Variants in EXOC6B observed in about 807,000 individuals in gnomAD.
EXOC6B encodes exocyst complex component 6B.
A neutral mutation model predicts 113.5 loss-of-function variants in EXOC6B; 54 were observed. The ratio of observed to expected loss-of-function variants is 0.48; its 90% CI spans 0.38 to 0.60. The LOEUF (loss-of-function observed/expected upper bound fraction) is 0.60. EXOC6B is among the 20% of genes least tolerant of loss of function. EXOC6B has a pLI of 0.00. For synonymous variants in EXOC6B, 357 were observed against 339.0 expected (o/e 1.05, Z -0.58); for missense variants, 797 against 977.5 (o/e 0.82, Z 2.46).
intron 1 of EXOC6B, among the ~76,000 whole-genome samples, chr2:72,751,533 C>A (rs779365164): frequency 6.6e-6 from 1 of 151,864 alleles, no homozygotes. Context: ...TGCCCTTGAC[C>A]GAGAGGAAGG....
chr2:72,730,797 G>C (rs1359862192), intron 5 of EXOC6B, among the ~76,000 whole-genome samples: 1 of 151,754 alleles, frequency 6.6e-6, no homozygotes, highest in East Asian at 1.9e-4. Context: ...CTAACTGTAA[G>C]TATTATTTAT....
intron 18 of EXOC6B, among the ~76,000 whole-genome samples, chr2:72,394,091 T>C (rs1692568014): frequency 6.6e-6 from 1 of 152,170 alleles, no homozygotes; most frequent in African/African-American, 2.4e-5. Flanking sequence ...GCATTTTTAA[T>C]ACAGTACCTG....
intron 20 of EXOC6B, among the ~76,000 whole-genome samples, chr2:72,271,744 T>C (rs1215602705): frequency 2.0e-5 from 3 of 152,134 alleles, no homozygotes; most frequent in African/African-American, 7.2e-5. Context: ...ACATTATACA[T>C]ATTTCAAGAT....
intron 5 of EXOC6B, among the ~76,000 whole-genome samples, chr2:72,726,237 A>C (rs1680292887): frequency 6.6e-6 from 1 of 152,174 alleles, no homozygotes; most frequent in Non-Finnish European, 1.5e-5. Flanking sequence ...GGAAAGAGGA[A>C]TGGGTACCCT....
chr2:72,179,467 C>T lies in EXOC6B; in HGVS notation c.2310-6G>A. On this transcript the variant is annotated splice_region_variant and splice_polypyrimidine_tract_variant and intron_variant, in intron 21 of 21. Coordinates refer to ENST00000272427, the MANE Select transcript of EXOC6B (RefSeq NM_015189.3). ...TGCGGCTAGTATCCTTCATCCTAAA[C>T]AGAGAAGGAAAGAAAGAGGGCAACA... The T allele has an allele frequency of 4.3e-6, 7 of 1,613,784 alleles. No individual in the cohort carries two copies. The highest frequency in any genetic ancestry group is 1.3e-5 in the African/African-American group (1 of 74,998).
intron 6 of EXOC6B, among the ~76,000 whole-genome samples, chr2:72,693,375 A>G (rs545682399): frequency 1.3e-5 from 2 of 152,010 alleles, no homozygotes; most frequent in African/African-American, 2.4e-5. Context: ...AAGGCTTGCA[A>G]TTTTTTAAAA....
At chr2:72,672,015 T>G (rs1675915610) in intron 6 of EXOC6B, among the ~76,000 whole-genome samples, 1 of 151,778 alleles carries the variant, frequency 6.6e-6, no homozygotes, top group Non-Finnish European at 1.5e-5. Flanking sequence ...CAATCAGAAT[T>G]ACTTTTATCA....
At chr2:72,414,586 GC>G (rs1694401365) in intron 18 of EXOC6B, among the ~76,000 whole-genome samples, 1 of 152,182 alleles carries the variant, frequency 6.6e-6, no homozygotes, top group Admixed American at 6.5e-5. Context: ...TAAGAGAACA[GC>G]CTTTTAAGAA....
chr2:72,177,840 T>C lies in EXOC6B; in HGVS notation c.*1495A>G, dbSNP rs1344327172. 2 of 152,196 alleles carry C rather than the reference T, an allele frequency of 1.3e-5. No individual in the cohort carries two copies. Among genetic ancestry groups the C allele is most frequent in the African/African-American group, 4.8e-5 (2 of 41,444 alleles). The allele number at this position is 152,196 out of a possible 1,614,324, so 9.4% of individuals were successfully genotyped here. On this transcript the variant is annotated 3_prime_UTR_variant, in exon 22 of 22. Transcript: ENST00000272427. ...AAGCTGGAAATGCCTGTGTGGCTTA[T>C]TTGTCATTGTTTGGTGATGCACAAT...
At chr2:72,824,177 A>G (rs1686763056) in intron 1 of EXOC6B, among the ~76,000 whole-genome samples, 1 of 151,986 alleles carries the variant, frequency 6.6e-6, no homozygotes, top group African/African-American at 2.4e-5. Flanking sequence ...TTTGACCCCA[A>G]AAGTTTGAGA....
intron 18 of EXOC6B, among the ~76,000 whole-genome samples, chr2:72,414,219 T>C (rs1283881546): frequency 6.6e-6 from 1 of 152,236 alleles, no homozygotes; most frequent in Non-Finnish European, 1.5e-5. Flanking sequence ...CTTGGTGTCC[T>C]TTCCCTGACA....
At chr2:72,217,622 A>C (rs1007946700) in intron 20 of EXOC6B, among the ~76,000 whole-genome samples, 12 of 152,190 alleles carry the variant, frequency 7.9e-5, no homozygotes, top group Admixed American at 7.9e-4. Context: ...TTCAAGGTAG[A>C]AGAGGATGAA....
chr2:72,746,637 T>C (rs1681715354), intron 1 of EXOC6B, among the ~76,000 whole-genome samples: 1 of 152,116 alleles, frequency 6.6e-6, no homozygotes, highest in Non-Finnish European at 1.5e-5. Flanking sequence ...TTAGAGCCTA[T>C]ATTAATTCAA....
chr2:72,728,703 T>C (rs774847527), intron 5 of EXOC6B, among the ~76,000 whole-genome samples: 6 of 152,114 alleles, frequency 3.9e-5, no homozygotes, highest in Non-Finnish European at 8.8e-5. Context: ...CCAAAAGTGA[T>C]ACATATCACT....
chr2:72,655,294 T>C (rs894134297), intron 6 of EXOC6B, among the ~76,000 whole-genome samples: 2 of 152,154 alleles, frequency 1.3e-5, no homozygotes, highest in African/African-American at 4.8e-5. Context: ...AACTGCATGC[T>C]AACTTATTCA....
intron 6 of EXOC6B, among the ~76,000 whole-genome samples, chr2:72,618,442 C>T (rs376793832): frequency 6.6e-6 from 1 of 152,132 alleles, no homozygotes; most frequent in East Asian, 1.9e-4. Context: ...CCACAAAGGA[C>T]AATGACATCT....
At chr2:72,187,901 C>T (rs764932972) in intron 20 of EXOC6B, among the ~76,000 whole-genome samples, 15 of 152,188 alleles carry the variant, frequency 9.9e-5, no homozygotes, top group East Asian at 1.9e-4. Context: ...AACTTTGCTC[C>T]GAGATTGGAG....
At chr2:72,734,982 A>T (rs2104789323) in intron 2 of EXOC6B, among the ~76,000 whole-genome samples, 1 of 152,332 alleles carries the variant, frequency 6.6e-6, no homozygotes, top group Non-Finnish European at 1.5e-5. Flanking sequence ...TGGCTCCGTA[A>T]AAATGGAGCT....
At chr2:72,796,548 T>C (rs1329868389) in intron 1 of EXOC6B, among the ~76,000 whole-genome samples, 7 of 151,894 alleles carry the variant, frequency 4.6e-5, no homozygotes, top group Admixed American at 4.6e-4. Flanking sequence ...GAACAGGAAC[T>C]CTATTTTATT....
Sources: allele counts gnomAD v4.1 joint callset (sites outside exome capture counted in the v4.1 genomes callset), GRCh38; gene constraint gnomAD v4.1.1; transcripts MANE v1.5; gene names NCBI Gene and HGNC (gene_info 2026-07-23, HGNC 2026-07-21).